Variants in ATP13A4 observed in about 807,000 individuals in gnomAD.
ATP13A4 encodes probable cation-transporting ATPase 13A4.
Under a neutral mutation model 142.5 loss-of-function variants are expected in ATP13A4, and 114 were observed. The ratio of observed to expected loss-of-function variants is 0.80; its 90% confidence interval spans 0.69 to 0.93. The LOEUF (loss-of-function observed/expected upper bound fraction) is 0.93, where lower values mean the gene tolerates loss of function less well. Ranked by LOEUF, ATP13A4 falls within the 40% of genes least tolerant of loss-of-function variation. ATP13A4 has a pLI of 0.00. For synonymous variants in ATP13A4, 488 were observed against 514.8 expected (o/e 0.95, Z 0.70); for missense variants, 1,392 against 1,454.0 (o/e 0.96, Z 0.69).
At chr3:193,406,544 G>A (rs1714506231) in intron 29 of ATP13A4, among the ~76,000 whole-genome samples, 1 of 152,222 alleles carries the variant, frequency 6.6e-6, no homozygotes, top group Admixed American at 6.5e-5. Context: ...TACTGAGCAG[G>A]GAGAGCGTGA....
At chr3:193,556,923 A>G (rs565017509), upstream of ATP13A4, among the ~76,000 whole-genome samples, 4 of 152,352 alleles carry the variant, frequency 2.6e-5, no homozygotes, top group Admixed American at 2.6e-4. Context: ...GAGGAGTGTT[A>G]GTATGTGACG....
intron 12 of ATP13A4, among the ~76,000 whole-genome samples, chr3:193,464,445 T>C (rs1374015438): frequency 1.3e-5 from 2 of 152,222 alleles, no homozygotes; most frequent in Non-Finnish European, 2.9e-5. Flanking sequence ...AGGGTAATTT[T>C]AAGCAATAAA....
Position 193,442,423 on chromosome 3 carries a change from T to G in ATP13A4, c.2286A>C (p.Glu762Asp). 1 of 1,614,078 alleles carries G rather than the reference T, an allele frequency of 6.2e-7. No homozygotes were observed. The highest frequency in any genetic ancestry group is 8.5e-7 in the Non-Finnish European group (1 of 1,179,916). ...SSASISWTLV[E>D]EKKHIMYGNQ... ...TCCCATACATAATGTGTTTCTTCTCTTCTACTAACGTCCAAGATATAGATG... is the reference window on the plus strand; with the variant it reads ...TCCCATACATAATGTGTTTCTTCTCGTCTACTAACGTCCAAGATATAGATG... Residue 762 changes from glutamate (E) to aspartate (D), a missense_variant, in exon 19 of 30, where the codon GAA becomes GAC. Transcript: ENST00000342695.
rs1452943865 is a variant in ATP13A4, at chr3:193,462,835, C to T, written c.1462-12G>A. On this transcript the variant is annotated splice_polypyrimidine_tract_variant and intron_variant, in intron 12 of 29. Transcript: ENST00000342695. ...GTTAAGGTGCCTGTCTAAACAGAAA[C>T]AAATGCTCCATTTACTCTGAAGATC... 2 of 1,613,080 alleles carry T rather than the reference C, an allele frequency of 1.2e-6. No individual in the cohort carries two copies. Among genetic ancestry groups the T allele is most frequent in the Non-Finnish European group, 1.7e-6 (2 of 1,179,262 alleles).
chr3:193,422,763 C>A (rs1715470683), intron 25 of ATP13A4, among the ~76,000 whole-genome samples: 1 of 149,478 alleles, frequency 6.7e-6, no homozygotes, highest in East Asian at 2.1e-4. Flanking sequence ...CAATAAATGC[C>A]TACATGAATA....
chr3:193,427,265 A>C (rs1715716723), intron 25 of ATP13A4, among the ~76,000 whole-genome samples: 1 of 152,182 alleles, frequency 6.6e-6, no homozygotes, highest in Non-Finnish European at 1.5e-5. Flanking sequence ...GGATCTCTTC[A>C]AGAAGAACTA....
rs1224222386 is a variant in ATP13A4 at position 193,438,542 on chromosome 3, C to T, written c.2605G>A (p.Glu869Lys). Residue 869 changes from glutamate to lysine, a missense_variant, in exon 23 of 30, where the codon GAG becomes AAG. By Grantham distance (56) the Glu-to-Lys change is moderately conservative. Transcript: ENST00000342695. Reference sequence around the variant, plus strand: ...GTGAAAGGTGAGGCCACAGATGCCTCCTGCTCTGATAATGAGATGCCCACA... The same window carrying T: ...GTGAAAGGTGAGGCCACAGATGCCTTCTGCTCTGATAATGAGATGCCCACA... The part of the protein sequence containing the change: ...AHVGISLSEQ[E>K]ASVASPFTSK... 6.2e-7 allele frequency: 1 copy of T among 1,614,046 alleles called. No homozygotes were observed. The highest frequency in any genetic ancestry group is 8.5e-7 in the Non-Finnish European group (1 of 1,180,016).
chr3:193,427,810 A>C (rs1197274830), intron 25 of ATP13A4, among the ~76,000 whole-genome samples: 2 of 152,168 alleles, frequency 1.3e-5, no homozygotes, highest in Non-Finnish European at 2.9e-5. Flanking sequence ...TAAAGACTTA[A>C]ATGTTAGACC....
In ATP13A4 at chr3:193,468,728, T is replaced by C. The variant is rs144168926; in HGVS notation, c.944-1242A>G. On this transcript the variant is annotated intron_variant, in intron 9 of 29. Coordinates refer to ENST00000342695, the MANE Select transcript of ATP13A4 (RefSeq NM_032279.4). ...CACCACTGCACAGCAGCCTGGACAA[T>C]AGAGTGACACTCTGTCTCAAAAAAG... is the stretch of plus-strand genomic sequence containing the variant. Among the ~76,000 whole-genome samples, 895 of 152,176 alleles carry C rather than the reference T, an allele frequency of 5.9e-3. 11 individuals are homozygous for C. The highest frequency in any genetic ancestry group is 0.02 in the Middle Eastern group (6 of 294).
intron 1 of ATP13A4, among the ~76,000 whole-genome samples, chr3:193,536,835 G>A (rs996333866): frequency 5.9e-5 from 9 of 151,804 alleles, no homozygotes; most frequent in Admixed American, 6.6e-5. Context: ...TAAACATATG[G>A]GTACTGAAAT....
Position 193,431,473 on chromosome 3 carries a change from T to C in ATP13A4, c.2842+2372A>G, listed in dbSNP as rs1715966321. Among the ~76,000 whole-genome samples, 10 of 152,004 alleles carry C rather than the reference T, an allele frequency of 6.6e-5. No individual in the cohort carries two copies. In the South Asian group the frequency reaches 2.1e-3, roughly 32 times the overall value. On this transcript the variant is annotated intron_variant, in intron 25 of 29. Coordinates refer to ENST00000342695, the MANE Select transcript of ATP13A4 (RefSeq NM_032279.4). Reference sequence around the variant, plus strand: ...GGCTGGTTGAGATTACTTATGGAGATGGTATAGGCTGAAAAGACAGCGGAT... The same window carrying C: ...GGCTGGTTGAGATTACTTATGGAGACGGTATAGGCTGAAAAGACAGCGGAT...
intron 1 of ATP13A4, among the ~76,000 whole-genome samples, chr3:193,589,641 T>C (rs919244409): frequency 5.3e-5 from 8 of 152,192 alleles, no homozygotes; most frequent in Admixed American, 3.3e-4. Flanking sequence ...TAGTTTAAAG[T>C]AGTAAAATTA....
chr3:193,413,991 G>A (rs1335581885), intron 26 of ATP13A4, among the ~76,000 whole-genome samples: 1 of 152,084 alleles, frequency 6.6e-6, no homozygotes, highest in African/African-American at 2.4e-5. Flanking sequence ...TGTTTTTGCA[G>A]CTCAGATGGG....
In ATP13A4 at chr3:193,440,656, G is replaced by T; in HGVS notation, c.2440-19C>A. The T allele has an allele frequency of 6.2e-7, 1 of 1,612,746 alleles. No individual in the cohort carries two copies. Among genetic ancestry groups the T allele is most frequent in the Non-Finnish European group, 8.5e-7 (1 of 1,178,998 alleles). The stretch of plus-strand genomic sequence containing the variant: ...TCAATATCTGTAAGGAACCCAAAAT[G>T]GAGATTTTTTTATCAAGTCATCTGG... On this transcript the variant is annotated intron_variant, in intron 20 of 29. Coordinates refer to ENST00000342695, the MANE Select transcript of ATP13A4 (RefSeq NM_032279.4).
At chr3:193,442,316 T>G in intron 19 of ATP13A4, 77 bp downstream of exon 19, 1 of 1,459,186 alleles carries the variant, frequency 6.9e-7, no homozygotes, top group Admixed American at 1.8e-5. Flanking sequence ...ATATGTTGAC[T>G]CTAGGTCAAA....
intron 25 of ATP13A4, among the ~76,000 whole-genome samples, chr3:193,421,788 T>C (rs1225490579): frequency 6.7e-6 from 1 of 149,388 alleles, no homozygotes; most frequent in Non-Finnish European, 1.5e-5. Context: ...CAAAAAGCTA[T>C]AGCAAATACA....
intron 1 of ATP13A4, among the ~76,000 whole-genome samples, chr3:193,521,633 C>T (rs1721720969): frequency 6.6e-6 from 1 of 152,156 alleles, no homozygotes; most frequent in African/African-American, 2.4e-5. Flanking sequence ...TTGCTGAACC[C>T]TTAAAAACTG....
intron 21 of ATP13A4, 41 bp downstream of exon 21, chr3:193,440,517 C>T: frequency 6.2e-7 from 1 of 1,612,814 alleles, no homozygotes; most frequent in Non-Finnish European, 8.5e-7. Context: ...ACTGTTATGC[C>T]TCCATGCAGT....
chr3:193,585,030 GTCCATCCTGCAGCCT>G (rs1200242711), intron 1 of ATP13A4, among the ~76,000 whole-genome samples: 1 of 152,084 alleles, frequency 6.6e-6, no homozygotes, highest in Non-Finnish European at 1.5e-5. Flanking sequence ...AATCAAGCTT[GTCCATCCTGCAGCCT>G]GCAGGCTGCA....
Sources: gnomAD v4.1 joint callset for allele counts (sites outside exome capture counted in the v4.1 genomes callset) on GRCh38, gnomAD v4.1.1 for gene constraint, MANE v1.5 for transcripts, NCBI Gene and HGNC (gene_info 2026-07-23, HGNC 2026-07-21) for gene names.